The following CPNE1 variants were observed in gnomAD, a reference collection of about 807,000 sequenced individuals.
CPNE1 encodes copine 1, also known as copine-1.
Under a neutral mutation model 63.2 loss-of-function variants are expected in CPNE1, and 58 were observed. The ratio of observed to expected loss-of-function variants is 0.92; its 90% confidence interval spans 0.74 to 1.14. The LOEUF (loss-of-function observed/expected upper bound fraction) is 1.14, where lower values mean the gene tolerates loss of function less well. Ranked by LOEUF, CPNE1 falls within the 50% of genes most tolerant of loss-of-function variation. The pLI, the probability that CPNE1 is intolerant of heterozygous loss-of-function variation, is 0.00. For synonymous variants in CPNE1, 237 were observed against 249.0 expected (o/e 0.95, Z 0.45); for missense variants, 672 against 661.7 (o/e 1.02, Z -0.17).
intron 1 of CPNE1, chr20:35,653,952 T>A: frequency 6.2e-7 from 1 of 1,614,170 alleles, no homozygotes; most frequent in Non-Finnish European, 8.5e-7. Flanking sequence ...AAATACTATC[T>A]TCCACAATAT....
Position 35,626,203 on chromosome 20 carries a change from A to G in CPNE1, c.*38T>C. ...GTTGTGGCCCAGAGGGACCTCTGGG[A>G]CACAGGATTGAGGACTTGCCACAGC... On this transcript the variant is annotated 3_prime_UTR_variant, in exon 16 of 16. Coordinates refer to ENST00000397443, the MANE Select transcript of CPNE1 (RefSeq NM_152925.3). 6.2e-7 allele frequency: 1 copy of G among 1,609,686 alleles called. No individual in the cohort carries two copies. Among genetic ancestry groups the G allele is most frequent in the Non-Finnish European group, 8.5e-7 (1 of 1,176,032 alleles).
chr20:35,654,293 CATT>C (rs780855450), intron 1 of CPNE1: 1 of 1,614,192 alleles, frequency 6.2e-7, no homozygotes, highest in South Asian at 1.1e-5. Flanking sequence ...AATCCATTCC[CATT>C]ATTTCGACCT....
At chr20:35,628,361 GTA>G (rs2031905329) in intron 13 of CPNE1, among the ~76,000 whole-genome samples, 1 of 151,554 alleles carries the variant, frequency 6.6e-6, no homozygotes, top group Non-Finnish European at 1.5e-5. Context: ...ATGAGTATTT[GTA>G]TAGTCTCTTC....
chr20:35,631,495 G>C lies in CPNE1; in HGVS notation c.711C>G (p.Val237=). 2.5e-6 allele frequency: 4 copies of C among 1,613,792 alleles called. No homozygotes were observed. The highest frequency in any genetic ancestry group is 3.4e-6 in the Non-Finnish European group (4 of 1,179,778). The change falls in exon 8 of 16, where the codon GTC becomes GTG. Residue 237 remains valine, a synonymous_variant. Coordinates refer to ENST00000397443, the MANE Select transcript of CPNE1 (RefSeq NM_152925.3). The stretch of plus-strand genomic sequence containing the variant: ...CCCTGGCAAGACCAGCACTCACCGG[G>C]ACTGCCTGCAGCTGGGCCAAGCTGG... The part of the protein sequence containing the change: ...FHTSLAQLQA[V]PAEFECIHPE...
At chr20:35,658,420 G>T (rs1014636147) in intron 1 of CPNE1, among the ~76,000 whole-genome samples, 1 of 152,128 alleles carries the variant, frequency 6.6e-6, no homozygotes, top group Non-Finnish European at 1.5e-5. Context: ...AGGAACAACT[G>T]TTCAAAGCAC....
chr20:35,638,974 T>G (rs966327308), intron 1 of CPNE1, among the ~76,000 whole-genome samples: 3 of 151,944 alleles, frequency 2.0e-5, no homozygotes, highest in African/African-American at 7.3e-5. Context: ...GGCAGAGAGC[T>G]CCCAGTGGAA....
intron 1 of CPNE1, among the ~76,000 whole-genome samples, chr20:35,663,573 ATC>A (rs1478546700): frequency 7.2e-5 from 11 of 152,290 alleles, no homozygotes; most frequent in Non-Finnish European, 1.5e-4. Context: ...ATATTAGGTT[ATC>A]TCTGAGAATC....
chr20:35,635,140 G>A (rs558003612), intron 1 of CPNE1, among the ~76,000 whole-genome samples: 3 of 151,796 alleles, frequency 2.0e-5, no homozygotes, highest in East Asian at 3.9e-4. Flanking sequence ...TTCCCCACAA[G>A]TCTTTACTCA....
chr20:35,641,934 T>C (rs956949124), intron 1 of CPNE1, among the ~76,000 whole-genome samples: 41 of 152,366 alleles, frequency 2.7e-4, no homozygotes, highest in African/African-American at 9.4e-4. Flanking sequence ...AGCCAACTGT[T>C]ACATATCAGG....
At chr20:35,632,416 A>G (rs751576901) in intron 3 of CPNE1, 31 bp from the exon 4 acceptor site, 17 of 1,611,892 alleles carry the variant, frequency 1.1e-5, no homozygotes, top group Non-Finnish European at 1.4e-5. Flanking sequence ...GAGTTTCAGG[A>G]TAACAGGCAG....
Position 35,648,919 on chromosome 20 carries a change from C to T in CPNE1, c.-1+15841G>A, listed in dbSNP as rs570445475. ...GATAATATTATAGCTCAGTAAAGTACTTTTGTGCAGTTAAAGCATTAAAAG... is the reference window on the plus strand; with the variant it reads ...GATAATATTATAGCTCAGTAAAGTATTTTTGTGCAGTTAAAGCATTAAAAG... On this transcript the variant is annotated intron_variant, in intron 1 of 15. Coordinates refer to ENST00000397443, the MANE Select transcript of CPNE1 (RefSeq NM_152925.3). 6 of 152,758 alleles carry T rather than the reference C, an allele frequency of 3.9e-5. No individual in the cohort carries two copies. In the South Asian group the frequency reaches 1.0e-3, roughly 26 times the overall value. The allele number at this position is 152,758 out of a possible 1,614,324, so 9.5% of individuals were successfully genotyped here.
chr20:35,652,939 C>A (rs770210216), intron 1 of CPNE1: 9 of 1,613,678 alleles, frequency 5.6e-6, no homozygotes, highest in African/African-American at 1.3e-5. Flanking sequence ...GCTACCAGGG[C>A]CATTTCCAAA....
chr20:35,648,241 A>G (rs573418776), intron 1 of CPNE1, among the ~76,000 whole-genome samples: 3 of 152,314 alleles, frequency 2.0e-5, no homozygotes, highest in African/African-American at 7.2e-5. Context: ...TACTAAAAAG[A>G]TAAGACTGAA....
At chr20:35,660,782 G>A (rs1482827225) in intron 1 of CPNE1, among the ~76,000 whole-genome samples, 1 of 152,174 alleles carries the variant, frequency 6.6e-6, no homozygotes, top group African/African-American at 2.4e-5. Context: ...TATGGGGCCA[G>A]GGCATATGCC....
intron 1 of CPNE1, among the ~76,000 whole-genome samples, chr20:35,639,075 T>C (rs2032651202): frequency 6.7e-6 from 1 of 149,266 alleles, no homozygotes; most frequent in Non-Finnish European, 1.5e-5. Flanking sequence ...TGTACACATC[T>C]GATTGTAAAA....
chr20:35,643,097 G>A (rs2032901646), intron 1 of CPNE1: 1 of 152,682 alleles, frequency 6.5e-6, no homozygotes, highest in East Asian at 1.9e-4. Flanking sequence ...TGGATATGGA[G>A]AAGGAAAGAA....
intron 13 of CPNE1, among the ~76,000 whole-genome samples, chr20:35,628,414 T>G (rs1293140714): frequency 1.3e-5 from 2 of 152,132 alleles, no homozygotes; most frequent in Non-Finnish European, 2.9e-5. Flanking sequence ...AAATAGTACT[T>G]GTATAGTGGA....
rs776139818 is a variant in CPNE1, at chr20:35,654,932, G to A, written c.-1+9828C>T. ...GAAGTGGTGGCAGTAACTACACTGGGTGATGGATTATTAAAGTTGGATACT... is the reference window on the plus strand; with the variant it reads ...GAAGTGGTGGCAGTAACTACACTGGATGATGGATTATTAAAGTTGGATACT... On this transcript the variant is annotated intron_variant, in intron 1 of 15. Coordinates refer to ENST00000397443, the MANE Select transcript of CPNE1 (RefSeq NM_152925.3). 6 of 1,614,012 alleles carry A rather than the reference G, an allele frequency of 3.7e-6. No individual in the cohort carries two copies. The Admixed American group carries it at 5.0e-5, about 13-fold the overall frequency.
rs138742674 is a variant in CPNE1, at chr20:35,626,629, G to A, written c.1411C>T (p.Arg471Cys). The A allele has an allele frequency of 1.6e-4, 263 of 1,614,142 alleles. 2 individuals are homozygous for A. In the African/African-American group the frequency reaches 2.7e-3, roughly 17 times the overall value. ...LDADGGPLHTRSGQAAARDIV... is the reference protein window; with the variant it reads ...LDADGGPLHTCSGQAAARDIV... ...TCGCGGGCAGCAGCCTGCCCAGAAC[G>A]TGTATGCAGGGGTCCACCATCAGCG... The change falls in exon 15 of 16, where the codon CGT becomes TGT. Residue 471 changes from arginine (R) to cysteine (C), a missense_variant. Transcript: ENST00000397443.
Sources: gnomAD v4.1 joint callset for allele counts (sites outside exome capture counted in the v4.1 genomes callset) on GRCh38, gnomAD v4.1.1 for gene constraint, MANE v1.5 for transcripts, NCBI Gene and HGNC (gene_info 2026-07-23, HGNC 2026-07-21) for gene names.